The following DNAH8 variants were observed in gnomAD, a reference collection of about 807,000 sequenced individuals.
DNAH8 encodes the protein dynein axonemal heavy chain 8.
In DNAH8, 382 loss-of-function variants were observed where a neutral mutation model predicts 562.1. That is an observed-to-expected ratio of 0.68 (90% CI 0.63 to 0.74). The LOEUF (loss-of-function observed/expected upper bound fraction) is 0.74, where lower values mean the gene tolerates loss of function less well. Among genes scored for constraint, DNAH8 ranks in the 30% least tolerant of loss-of-function variants. The pLI is 0.00. For synonymous variants in DNAH8, 1,881 were observed against 1,919.4 expected, an observed-to-expected ratio of 0.98 and a Z score of 0.52; for missense variants, 5,203 against 5,620.4, an observed-to-expected ratio of 0.93 and a Z score of 2.37.
chr6:38,903,727 T>C (rs1397884094), intron 62 of DNAH8, among the ~76,000 whole-genome samples: 1 of 149,410 alleles, frequency 6.7e-6, no homozygotes, highest in African/African-American at 2.4e-5. Context: ...GTTATCTGCC[T>C]CAGCCTCCCG....
At chr6:38,729,840 C>T in intron 3 of DNAH8, 62 bp from the exon 4 acceptor site, 1 of 888,574 alleles carries the variant, frequency 1.1e-6, no homozygotes. Flanking sequence ...TCTTCTTCAT[C>T]TGCAAAATAC....
chr6:38,868,312 T>C, intron 48 of DNAH8, 116 bp downstream of exon 48: 4 of 1,028,984 alleles, frequency 3.9e-6, no homozygotes, highest in Non-Finnish European at 5.6e-6. Context: ...ACAGGGATAA[T>C]AAGTGTGCAA....
intron 80 of DNAH8, among the ~76,000 whole-genome samples, chr6:38,946,291 G>A (rs1761416505): frequency 6.6e-6 from 1 of 152,266 alleles, no homozygotes; most frequent in Middle Eastern, 3.4e-3. Flanking sequence ...GGTTGTCAGA[G>A]CCTCATGCTG....
At chr6:38,927,295 T>C (rs1234468070) in intron 74 of DNAH8, among the ~76,000 whole-genome samples, 2 of 152,170 alleles carry the variant, frequency 1.3e-5, no homozygotes, top group African/African-American at 4.8e-5. Flanking sequence ...ATAACAAACA[T>C]CCTATTTAGT....
intron 91 of DNAH8, among the ~76,000 whole-genome samples, chr6:39,015,717 C>A (rs1372282329): frequency 2.0e-5 from 3 of 152,174 alleles, no homozygotes; most frequent in Non-Finnish European, 2.9e-5. Context: ...TGGACTAATA[C>A]ATCACATTTC....
intron 85 of DNAH8, among the ~76,000 whole-genome samples, chr6:38,976,516 C>T (rs1353281041): frequency 6.6e-6 from 1 of 152,132 alleles, no homozygotes; most frequent in Admixed American, 6.6e-5. Flanking sequence ...ATAGAAAAAT[C>T]CAAAATTCTT....
rs1354449683 is a variant in DNAH8, at chr6:38,848,800, A to G, written c.5198A>G (p.Gln1733Arg). ...GGAGATATTGCCAAACAGCTGCCTC[A>G]GGTAAATATGGCTTTTGTAATTACT... is the stretch of plus-strand genomic sequence containing the variant. ...VGGDIAKQLP[Q>R]EAKRFQNIDK... Residue 1733 changes from glutamine (Q) to arginine (R), a missense_variant and splice_region_variant, in exon 37 of 93, where the codon CAG becomes CGG. By Grantham distance (43) the Gln-to-Arg change is conservative. Coordinates refer to ENST00000327475, the MANE Select transcript of DNAH8 (RefSeq NM_001206927.2). The G allele has an allele frequency of 1.2e-6, 2 of 1,612,856 alleles. No homozygotes were observed. The highest frequency in any genetic ancestry group is 1.7e-6 in the Non-Finnish European group (2 of 1,179,272).
intron 88 of DNAH8, among the ~76,000 whole-genome samples, chr6:38,999,934 A>AAACACAC (rs1765375173): frequency 1.4e-5 from 2 of 146,778 alleles, no homozygotes; most frequent in Admixed American, 6.8e-5. Context: ...CACACACACA[A>AAACACAC]ACACACACAC....
intron 55 of DNAH8, 94 bp from the exon 56 acceptor site, chr6:38,883,782 G>A (rs1778696246): frequency 2.8e-6 from 3 of 1,060,374 alleles, no homozygotes; most frequent in African/African-American, 3.3e-5. Flanking sequence ...AAATGCGTAA[G>A]TAAATTATAT....
In DNAH8 at chr6:38,982,502, T is replaced by G. The variant is rs1425023124; in HGVS notation, c.12951+40T>G. 5 of 1,061,726 alleles carry G rather than the reference T, an allele frequency of 4.7e-6. No homozygotes were observed. The Admixed American group carries it at 8.5e-5, about 18-fold the overall frequency. 65.8% of individuals were successfully genotyped at this position (1,061,726 alleles called of 1,614,324 possible). A position where few individuals can be genotyped will look rare whatever the true frequency, so the allele number is the denominator to read the frequency against. On this transcript the variant is annotated intron_variant, in intron 86 of 92. Coordinates refer to ENST00000327475, the MANE Select transcript of DNAH8 (RefSeq NM_001206927.2). ...GCCTTTTTTCCTGTTTTTATTGCTC[T>G]TCTTAAATCAGGGTTCTACAGTCAT...
At chr6:38,865,163 T>G (rs1314938826) in intron 45 of DNAH8, among the ~76,000 whole-genome samples, 3 of 152,202 alleles carry the variant, frequency 2.0e-5, no homozygotes, top group Middle Eastern at 3.2e-3. Context: ...AAGTTAAATC[T>G]CGAAGTTGCA....
intron 56 of DNAH8, among the ~76,000 whole-genome samples, chr6:38,886,156 A>G (rs1778904294): frequency 6.6e-6 from 1 of 152,148 alleles, no homozygotes; most frequent in Non-Finnish European, 1.5e-5. Flanking sequence ...AACAATGAGA[A>G]GAGGAAAGAG....
In DNAH8 at chr6:38,898,373, T is replaced by A; in HGVS notation, c.9056T>A (p.Leu3019His). Residue 3019 changes from leucine (L) to histidine (H), a missense_variant, in exon 61 of 93, where the codon CTT (leucine) becomes CAT (histidine). By Grantham distance (99) the Leu-to-His change is moderately conservative (BLOSUM62 -3). Transcript: ENST00000327475. ...TTTTTTAAAGATGCAATGACTCATC[T>A]TATTAAGGTCCTAACTATTGCCTAT... ...LVFFKDAMTH[L>H]IKISRIIRTS... 6.4e-7 allele frequency: 1 copy of A among 1,571,406 alleles called. No homozygotes were observed. Among genetic ancestry groups the A allele is most frequent in the Non-Finnish European group, 8.6e-7 (1 of 1,166,338 alleles).
chr6:38,729,629 T>G (rs1191859091), intron 3 of DNAH8, among the ~76,000 whole-genome samples: 1 of 152,194 alleles, frequency 6.6e-6, no homozygotes, highest in African/African-American at 2.4e-5. Flanking sequence ...TACCTCAAGT[T>G]GGACTCACCT....
intron 10 of DNAH8, among the ~76,000 whole-genome samples, chr6:38,760,725 A>T (rs1177194231): frequency 6.6e-6 from 1 of 152,104 alleles, no homozygotes; most frequent in African/African-American, 2.4e-5. Flanking sequence ...TAATGACTTC[A>T]TGCAACAGCT....
At chr6:38,932,480 A>G (rs1005978447) in intron 76 of DNAH8, among the ~76,000 whole-genome samples, 4 of 152,168 alleles carry the variant, frequency 2.6e-5, no homozygotes, top group Non-Finnish European at 4.4e-5. Flanking sequence ...GGTTCTAATA[A>G]AACAAAGAAC....
At position 38,973,622 on chromosome 6, in the gene DNAH8, G is replaced by T. The variant is rs753868228; in HGVS notation, c.12526-39G>T. On this transcript the variant is annotated intron_variant, in intron 83 of 92. Coordinates refer to ENST00000327475, the MANE Select transcript of DNAH8 (RefSeq NM_001206927.2). ...TGTTTTATTAAAATCATAGCAAAAA[G>T]GTTACAAGAAATAAATATGAACTTA... The T allele has an allele frequency of 1.3e-5, 20 of 1,500,382 alleles. No homozygotes were observed. The East Asian group carries it at 3.6e-4, about 27-fold the overall frequency. 92.9% of individuals were successfully genotyped at this position (1,500,382 alleles called of 1,614,324 possible). A position where few individuals can be genotyped will look rare whatever the true frequency, so the allele number is the denominator to read the frequency against.
intron 8 of DNAH8, among the ~76,000 whole-genome samples, chr6:38,747,202 A>G (rs1260272982): frequency 6.6e-6 from 1 of 152,098 alleles, no homozygotes; most frequent in East Asian, 1.9e-4. Context: ...GGATCTTATT[A>G]TTATCTTCCC....
At chr6:38,901,813 A>G (rs1439814722) in intron 62 of DNAH8, among the ~76,000 whole-genome samples, 1 of 152,244 alleles carries the variant, frequency 6.6e-6, no homozygotes, top group Non-Finnish European at 1.5e-5. Context: ...TCAAATAAGT[A>G]GGTATTAATT....
Sources: gnomAD v4.1 joint callset for allele counts (sites outside exome capture counted in the v4.1 genomes callset) on GRCh38, gnomAD v4.1.1 for gene constraint, MANE v1.5 for transcripts, NCBI Gene and HGNC (gene_info 2026-07-23, HGNC 2026-07-21) for gene names.